GABRG1: variants seen among roughly 807,000 people sequenced by gnomAD.
The protein encoded by GABRG1 is gamma-aminobutyric acid receptor subunit gamma-1.
In GABRG1, 49 loss-of-function variants were observed where a neutral mutation model predicts 49.8. That is an observed-to-expected ratio of 0.98 (90% confidence interval 0.78 to 1.25). The LOEUF (loss-of-function observed/expected upper bound fraction) is 1.25. GABRG1 is among the 50% of genes most tolerant of loss of function. The pLI, the probability that GABRG1 is intolerant of heterozygous loss-of-function variation, is 0.00. For missense variants in GABRG1, 552 were observed against 552.3 expected (o/e 1.00, Z 0.01); for synonymous variants, 232 against 185.1 (o/e 1.25, Z -2.06).
At chr4:46,123,530 C>G (rs1422498906) in intron 1 of GABRG1, among the ~76,000 whole-genome samples, 1 of 151,994 alleles carries the variant, frequency 6.6e-6, no homozygotes. Context: ...CCCCTCACTC[C>G]CTCCCAGTAA....
Position 46,100,536 on chromosome 4 carries a change from T to A in GABRG1, c.105-3187A>T, listed in dbSNP as rs184641776. Among the ~76,000 whole-genome samples the A allele has an allele frequency of 3.2e-3, 492 of 151,662 alleles. 1 individual carries two copies. Among genetic ancestry groups the A allele is most frequent in the African/African-American group, 0.011 (471 of 41,464 alleles). ...TGGTGTGTGCTTCTGGAATGTTTTA[T>A]TTCCTAATTAGACTTGTTGAGATAT... is the stretch of plus-strand genomic sequence containing the variant. On this transcript the variant is annotated intron_variant, in intron 1 of 8. Transcript: ENST00000295452.
rs767271391 is a variant in GABRG1, at chr4:46,064,523, T to C, written c.543A>G (p.Arg181=). The change falls in exon 5 of 9, where the codon AGA becomes AGG. Residue 181 remains arginine, a splice_region_variant and synonymous_variant. Coordinates refer to ENST00000295452, the MANE Select transcript of GABRG1 (RefSeq NM_173536.4). The part of the protein sequence containing the change: ...WNDGRVLYTL[R]LTINAECYLQ... ...GATAACATTCTGCATTAATTGTCAA[T>C]CTATTTAGATGGAAAGAAAAGTATT... is the stretch of plus-strand genomic sequence containing the variant. 24 of 1,443,228 alleles carry C rather than the reference T, an allele frequency of 1.7e-5. No homozygotes were observed. The South Asian group carries it at 3.3e-4, about 20-fold the overall frequency. 89.4% of individuals were successfully genotyped at this position (1,443,228 alleles called of 1,614,324 possible). A position where few individuals can be genotyped will look rare whatever the true frequency, so the allele number is the denominator to read the frequency against.
intron 1 of GABRG1, among the ~76,000 whole-genome samples, chr4:46,104,487 C>A (rs545912786): frequency 3.0e-4 from 45 of 151,552 alleles, no homozygotes; most frequent in Non-Finnish European, 5.3e-4. Context: ...ACCTATGTAT[C>A]CTTGAATGAC....
At chr4:46,045,904 A>G (rs1235435822) in intron 8 of GABRG1, among the ~76,000 whole-genome samples, 2 of 152,192 alleles carry the variant, frequency 1.3e-5, no homozygotes, top group South Asian at 2.1e-4. Context: ...GAGAAAGAGA[A>G]TAAGAAAGAT....
At chr4:46,098,074 A>G (rs1169406039) in intron 1 of GABRG1, among the ~76,000 whole-genome samples, 1 of 151,740 alleles carries the variant, frequency 6.6e-6, no homozygotes, top group Non-Finnish European at 1.5e-5. Context: ...AAAACCAAGG[A>G]CCACAGAAAA....
rs922561838 is a variant in GABRG1, at chr4:46,118,121, C to CGTGT, written c.104+5685_104+5688dup. On this transcript the variant is annotated intron_variant, in intron 1 of 8. Coordinates refer to ENST00000295452, the MANE Select transcript of GABRG1 (RefSeq NM_173536.4). ...ATATGTGTGTATATATACATATATA[C>CGTGT]GTGTGTGTGTGTATATATATATATA... Among the ~76,000 whole-genome samples the CGTGT allele has an allele frequency of 1.3e-4, 11 of 84,452 alleles. 2 individuals are homozygous for CGTGT. The highest frequency in any genetic ancestry group is 6.8e-4 in the African/African-American group (10 of 14,708). 55.4% of individuals were successfully genotyped at this position (84,452 alleles called of 152,430 possible).
chr4:46,103,677 A>G (rs1470167034), intron 1 of GABRG1, among the ~76,000 whole-genome samples: 1 of 151,434 alleles, frequency 6.6e-6, no homozygotes. Flanking sequence ...TTCAGAAATC[A>G]TGACTACCAC....
Position 46,097,381 on chromosome 4 carries a change from G to T in GABRG1, c.105-32C>A, listed in dbSNP as rs778530007. 8.8e-6 allele frequency: 14 copies of T among 1,581,972 alleles called. No individual in the cohort carries two copies. In the Admixed American group the frequency reaches 1.3e-4, roughly 14 times the overall value. ...AATTCAAAGAAAAAAATGGATGGTAGAAGGTTCAATCAAATCATGTATAAA... is the reference window on the plus strand; with the variant it reads ...AATTCAAAGAAAAAAATGGATGGTATAAGGTTCAATCAAATCATGTATAAA... On this transcript the variant is annotated intron_variant, in intron 1 of 8. Transcript: ENST00000295452.
chr4:46,091,572 T>C (rs2109427874), intron 2 of GABRG1, among the ~76,000 whole-genome samples: 1 of 152,160 alleles, frequency 6.6e-6, no homozygotes, highest in Non-Finnish European at 1.5e-5. Flanking sequence ...ATACCTGAAA[T>C]TGATTTAAAA....
At position 46,123,853 on chromosome 4, in the gene GABRG1, C is replaced by A; in HGVS notation, c.61G>T (p.Val21Leu). The stretch of plus-strand genomic sequence containing the variant: ...GTCAGTAACAAGAAGACCAACCTCA[C>A]CCCTCTACTTTGACTCCGCAGAAGA... ...PFLLRSQSRG[V>L]RLVFLLLTLH... The change falls in exon 1 of 9, where the codon GTG (valine) becomes TTG (leucine). Residue 21 changes from valine (V) to leucine (L), a missense_variant. Val to Leu is a conservative substitution (Grantham distance 32). Transcript: ENST00000295452. 6.2e-7 allele frequency: 1 copy of A among 1,613,708 alleles called. No individual in the cohort carries two copies. Among genetic ancestry groups the A allele is most frequent in the Non-Finnish European group, 8.5e-7 (1 of 1,179,778 alleles).
Position 46,035,784 on chromosome 4 carries a change from CTCTT to C in GABRG1, c.*5200_*5203del, listed in dbSNP as rs1344024040. 10 of 151,980 alleles carry C rather than the reference CTCTT, an allele frequency of 6.6e-5. No homozygotes were observed. The highest frequency in any genetic ancestry group is 2.1e-4 in the South Asian group (1 of 4,828). The allele number at this position is 151,980 out of a possible 1,614,324, so 9.4% of individuals were successfully genotyped here. A position where few individuals can be genotyped will look rare whatever the true frequency, so the allele number is the denominator to read the frequency against. ...AAAGACACAATTTAAGAGAATGTGA[CTCTT>C]TATTTATAACAAGTTACTGGTATTT... On this transcript the variant is annotated 3_prime_UTR_variant, in exon 9 of 9. Coordinates refer to ENST00000295452, the MANE Select transcript of GABRG1 (RefSeq NM_173536.4).
chr4:46,044,208 C>T (rs1717899056), intron 8 of GABRG1, among the ~76,000 whole-genome samples: 1 of 152,100 alleles, frequency 6.6e-6, no homozygotes, highest in African/African-American at 2.4e-5. Context: ...CACGTTGGCT[C>T]ACACCTGTAA....
rs946402790 is a variant in GABRG1 at position 46,040,763 on chromosome 4, T to TGA, written c.*223_*224dup. 2.8e-6 allele frequency: 1 copy of TGA among 358,410 alleles called. No homozygotes were observed. The allele number at this position is 358,410 out of a possible 1,614,324, so 22.2% of individuals were successfully genotyped here. A position where few individuals can be genotyped will look rare whatever the true frequency, so the allele number is the denominator to read the frequency against. On this transcript the variant is annotated 3_prime_UTR_variant, in exon 9 of 9. Transcript: ENST00000295452. ...TAAAGAAAATTTAAGTAAAAATATG[T>TGA]GAGTATTTTAACCTACTGGATTTTG...
chr4:46,091,249 C>A (rs985815372), intron 2 of GABRG1, among the ~76,000 whole-genome samples: 1 of 151,968 alleles, frequency 6.6e-6, no homozygotes, highest in Non-Finnish European at 1.5e-5. Context: ...AAGGAAATTA[C>A]GCTAGTTCTG....
At chr4:46,113,311 C>T (rs1334666062) in intron 1 of GABRG1, among the ~76,000 whole-genome samples, 2 of 151,012 alleles carry the variant, frequency 1.3e-5, no homozygotes, top group African/African-American at 2.4e-5. Context: ...AGCAAGGTAC[C>T]TTCCTCACAA....
At chr4:46,123,200 T>A (rs113848980) in intron 1 of GABRG1, among the ~76,000 whole-genome samples, 2,826 of 149,426 alleles carry the variant, frequency 0.019, 84 homozygotes, top group African/African-American at 0.062. Flanking sequence ...CAGCCAATTT[T>A]AAAAAAAAAC....
chr4:46,111,365 A>G (rs546012190), intron 1 of GABRG1, among the ~76,000 whole-genome samples: 14 of 151,266 alleles, frequency 9.3e-5, no homozygotes, highest in African/African-American at 1.7e-4. Flanking sequence ...AATGCAAAAC[A>G]TTTCACGTTC....
chr4:46,065,155 T>G (rs1449044756), intron 4 of GABRG1, among the ~76,000 whole-genome samples: 1 of 152,116 alleles, frequency 6.6e-6, no homozygotes, highest in Non-Finnish European at 1.5e-5. Context: ...ATCAAAGAAT[T>G]TTTTCTCTTT....
intron 3 of GABRG1, among the ~76,000 whole-genome samples, chr4:46,066,172 A>G (rs1718913507): frequency 6.6e-6 from 1 of 152,194 alleles, no homozygotes; most frequent in African/African-American, 2.4e-5. Flanking sequence ...CATTAAACTT[A>G]AAAGCAAGTT....
Sources: gnomAD v4.1 joint callset for allele counts (sites outside exome capture counted in the v4.1 genomes callset) on GRCh38, gnomAD v4.1.1 for gene constraint, MANE v1.5 for transcripts, NCBI Gene and HGNC (gene_info 2026-07-23, HGNC 2026-07-21) for gene names.